Variants in MGMT observed in about 807,000 individuals in gnomAD.
MGMT encodes methylated-DNA--protein-cysteine methyltransferase.
A neutral mutation model predicts 15.9 loss-of-function variants in MGMT; 14 were observed. The ratio of observed to expected loss-of-function variants is 0.88; its 90% CI spans 0.58 to 1.37. The LOEUF is 1.37. MGMT is among the 40% of genes most tolerant of loss of function. The pLI, the probability that MGMT is intolerant of heterozygous loss-of-function variation, is 0.00. For synonymous variants in MGMT, 130 were observed against 118.2 expected (o/e 1.10, Z -0.65); for missense variants, 282 against 268.1 (o/e 1.05, Z -0.36).
intron 2 of MGMT, among the ~76,000 whole-genome samples, chr10:129,543,991 G>A (rs1846072452): frequency 6.6e-6 from 1 of 152,216 alleles, no homozygotes; most frequent in Non-Finnish European, 1.5e-5. Context: ...TTCAGGCAGA[G>A]AGAGGTGGAT....
In MGMT at chr10:129,770,842, G is replaced by A. The variant is rs907397217; in HGVS notation, c.*3845G>A. Reference sequence around the variant, plus strand: ...ATGTCTTCTTGTTGCCATCGGGGCAGTGGAGTCCCCGGAAACAGTCCAAGG... The same window carrying A: ...ATGTCTTCTTGTTGCCATCGGGGCAATGGAGTCCCCGGAAACAGTCCAAGG... On this transcript the variant is annotated 3_prime_UTR_variant, in exon 5 of 5. Coordinates refer to ENST00000651593, the MANE Select transcript of MGMT (RefSeq NM_002412.5). Among the ~76,000 whole-genome samples the A allele has an allele frequency of 2.0e-5, 3 of 151,562 alleles. No individual in the cohort carries two copies. In the East Asian group the frequency reaches 5.9e-4, roughly 30 times the overall value.
chr10:129,711,574 C>T lies in MGMT; in HGVS notation c.274+3531C>T, dbSNP rs137879200. 1.3e-3 allele frequency among the ~76,000 whole-genome samples: 202 copies of T among 152,298 alleles called. 1 individual carries two copies. Among genetic ancestry groups the T allele is most frequent in the African/African-American group, 2.4e-3 (99 of 41,564 alleles). ...TCCAGTGAAGCATATTCTAATTTCT[C>T]GTTCAAGTGTTGTTTTAGTCAGGTC... On this transcript the variant is annotated intron_variant, in intron 3 of 4. Coordinates refer to ENST00000651593, the MANE Select transcript of MGMT (RefSeq NM_002412.5).
chr10:129,677,768 G>A (rs1365792920), intron 2 of MGMT, among the ~76,000 whole-genome samples: 1 of 152,202 alleles, frequency 6.6e-6, no homozygotes, highest in Non-Finnish European at 1.5e-5. Flanking sequence ...GGTGAAGGGT[G>A]TGGGCCAGCC....
At chr10:129,641,923 T>C (rs918275372) in intron 2 of MGMT, among the ~76,000 whole-genome samples, 1 of 152,256 alleles carries the variant, frequency 6.6e-6, no homozygotes, top group Non-Finnish European at 1.5e-5. Context: ...ATAGCTAATA[T>C]TAGAAGCATG....
chr10:129,515,932 A>G (rs1029272993), intron 1 of MGMT, among the ~76,000 whole-genome samples: 5 of 152,038 alleles, frequency 3.3e-5, no homozygotes, highest in African/African-American at 1.2e-4. Context: ...TTTATTTTTT[A>G]TTTTATTTTA....
At chr10:129,665,315 T>A (rs1339158403) in intron 2 of MGMT, among the ~76,000 whole-genome samples, 1 of 145,174 alleles carries the variant, frequency 6.9e-6, no homozygotes, top group African/African-American at 2.5e-5. Flanking sequence ...TCTCTCTCTC[T>A]CTCTAACTCA....
At chr10:129,678,129 C>G (rs949736269) in intron 2 of MGMT, among the ~76,000 whole-genome samples, 1 of 152,104 alleles carries the variant, frequency 6.6e-6, no homozygotes, top group African/African-American at 2.4e-5. Context: ...AAGGAAAGAA[C>G]GCCTCGGTGG....
At chr10:129,496,814 G>A (rs371649689) in intron 1 of MGMT, among the ~76,000 whole-genome samples, 14 of 151,930 alleles carry the variant, frequency 9.2e-5, no homozygotes, top group Admixed American at 6.6e-4. Flanking sequence ...ACTTTAAAAG[G>A]GATCTTGGTA....
intron 2 of MGMT, among the ~76,000 whole-genome samples, chr10:129,593,572 CT>C (rs1846715202): frequency 6.6e-6 from 1 of 152,232 alleles, no homozygotes; most frequent in Non-Finnish European, 1.5e-5. Context: ...ATCACGTCCC[CT>C]TCTGACATTC....
At chr10:129,467,941 T>C (rs990767876) in intron 1 of MGMT, among the ~76,000 whole-genome samples, 2 of 152,028 alleles carry the variant, frequency 1.3e-5, no homozygotes, top group Non-Finnish European at 2.9e-5. Flanking sequence ...AATCTCAGGG[T>C]GGTGTTTGCT....
At chr10:129,671,285 T>A (rs1847719662) in intron 2 of MGMT, among the ~76,000 whole-genome samples, 1 of 152,234 alleles carries the variant, frequency 6.6e-6, no homozygotes, top group Non-Finnish European at 1.5e-5. Flanking sequence ...TACTCCACAT[T>A]TAGTGCTGTC....
intron 1 of MGMT, among the ~76,000 whole-genome samples, chr10:129,525,484 T>C (rs1036453084): frequency 4.6e-5 from 7 of 152,196 alleles, no homozygotes; most frequent in Non-Finnish European, 7.3e-5. Context: ...CTGAGCCCTT[T>C]AATAAGACGC....
At chr10:129,557,546 C>T (rs886259869) in intron 2 of MGMT, among the ~76,000 whole-genome samples, 1 of 152,140 alleles carries the variant, frequency 6.6e-6, no homozygotes, top group Admixed American at 6.5e-5. Flanking sequence ...AATGTACACA[C>T]TAATGAATTT....
At chr10:129,495,920 C>A (rs1845516260) in intron 1 of MGMT, among the ~76,000 whole-genome samples, 1 of 152,168 alleles carries the variant, frequency 6.6e-6, no homozygotes, top group Admixed American at 6.5e-5. Context: ...TCCCCAGCGT[C>A]CAGCAGGCTG....
At chr10:129,574,378 A>G (rs1301498542) in intron 2 of MGMT, among the ~76,000 whole-genome samples, 8 of 152,228 alleles carry the variant, frequency 5.3e-5, no homozygotes, top group East Asian at 3.8e-4. Context: ...GGTGGCTTCC[A>G]GTTCATACCA....
At chr10:129,586,666 C>T (rs115793181) in intron 2 of MGMT, among the ~76,000 whole-genome samples, 20 of 152,268 alleles carry the variant, frequency 1.3e-4, no homozygotes, top group Non-Finnish European at 2.2e-4. Flanking sequence ...TTTCTGCTTT[C>T]GGCTGTTGCA....
chr10:129,497,172 T>C (rs1845530073), intron 1 of MGMT, among the ~76,000 whole-genome samples: 1 of 152,212 alleles, frequency 6.6e-6, no homozygotes, highest in Non-Finnish European at 1.5e-5. Context: ...TTAACCTTTA[T>C]ATTTCCTAGC....
At chr10:129,746,495 A>C (rs764549546) in intron 3 of MGMT, among the ~76,000 whole-genome samples, 3 of 151,998 alleles carry the variant, frequency 2.0e-5, no homozygotes, top group Non-Finnish European at 4.4e-5. Context: ...TGTTTAAGTA[A>C]GTCATGAGAT....
chr10:129,739,265 C>T (rs1848602703), intron 3 of MGMT, among the ~76,000 whole-genome samples: 1 of 152,182 alleles, frequency 6.6e-6, no homozygotes, highest in African/African-American at 2.4e-5. Context: ...CAGTCTCTCA[C>T]CACTCCTGTT....
Sources: allele counts gnomAD v4.1 joint callset (sites outside exome capture counted in the v4.1 genomes callset), GRCh38; gene constraint gnomAD v4.1.1; transcripts MANE v1.5; gene names NCBI Gene and HGNC (gene_info 2026-07-23, HGNC 2026-07-21).